The following IQGAP3 variants were observed in gnomAD, a reference collection of about 807,000 sequenced individuals.
The protein encoded by IQGAP3 is IQ motif containing GTPase activating protein 3.
In IQGAP3, 165 loss-of-function variants were observed where a neutral mutation model predicts 208.2. That is an observed-to-expected ratio of 0.79 (90% CI 0.70 to 0.90). The LOEUF (loss-of-function observed/expected upper bound fraction) is 0.90, where lower values mean the gene tolerates loss of function less well. Among genes scored for constraint, IQGAP3 ranks in the 40% least tolerant of loss-of-function variants. IQGAP3 has a pLI of 0.00. For synonymous variants in IQGAP3, 703 were observed against 803.6 expected, an observed-to-expected ratio of 0.87 and a Z score of 2.12; for missense variants, 1,811 against 2,043.1, an observed-to-expected ratio of 0.89 and a Z score of 2.19.
At chr1:156,553,027 T>C (rs545847038) in intron 13 of IQGAP3, among the ~76,000 whole-genome samples, 3 of 152,126 alleles carry the variant, frequency 2.0e-5, no homozygotes, top group Non-Finnish European at 4.4e-5. Context: ...TGAGCCATGA[T>C]TGCACCACTG....
chr1:156,566,401 G>A lies in IQGAP3; in HGVS notation c.271C>T (p.Leu91=). The change falls in exon 3 of 38, where the codon CTG becomes TTG. Residue 91 remains leucine (L), a synonymous_variant. Transcript: ENST00000361170. ...TCCAATCCTCCCACCTGGTACCGCA[G>A]CTGCTCCACATCGTAGATCTTCTTC... ...PLKKIYDVEQ[L]RYQATGLHFR... The A allele has an allele frequency of 6.2e-7, 1 of 1,614,162 alleles. No individual in the cohort carries two copies. The highest frequency in any genetic ancestry group is 2.2e-5 in the East Asian group (1 of 44,886).
At chr1:156,568,595 C>T (rs981828613) in intron 2 of IQGAP3, among the ~76,000 whole-genome samples, 1 of 152,214 alleles carries the variant, frequency 6.6e-6, no homozygotes, top group East Asian at 1.9e-4. Flanking sequence ...TCTTGGCTCA[C>T]TGTGGCCTCC....
rs770932490 is a variant in IQGAP3 at position 156,528,516 on chromosome 1, C to T, written c.4666G>A (p.Ala1556Thr). Residue 1556 changes from alanine (A) to threonine (T), a missense_variant, in exon 36 of 38, where the codon GCC becomes ACC. Coordinates refer to ENST00000361170, the MANE Select transcript of IQGAP3 (RefSeq NM_178229.5). ...GVLVEIEDLP[A>T]SHFRNVIFDI... is the part of the protein sequence containing the mutation. ...CCCTCCAAAGACACATACTGAGAGG[C>T]GGGAAGATCTTCAATTTCCACCAAG... The T allele has an allele frequency of 2.2e-5, 35 of 1,612,254 alleles. No individual in the cohort carries two copies. The highest frequency in any genetic ancestry group is 5.3e-5 in the African/African-American group (4 of 74,822).
intron 34 of IQGAP3, among the ~76,000 whole-genome samples, chr1:156,529,339 T>C (rs1221941741): frequency 6.6e-6 from 1 of 152,214 alleles, no homozygotes. Flanking sequence ...GATACTTTTG[T>C]AGGTCATAAG....
In IQGAP3 at chr1:156,562,442, T is replaced by C. The variant is rs545968929; in HGVS notation, c.877+145A>G. ...GCCAGAAAGCAGTGCACATACTCCT[T>C]GGACTCTGATCTTTCTCCGAGGCAA... On this transcript the variant is annotated intron_variant, in intron 9 of 37. Transcript: ENST00000361170. 8.6e-6 allele frequency: 6 copies of C among 694,632 alleles called. No homozygotes were observed. In the African/African-American group the frequency reaches 8.8e-5, roughly 10 times the overall value. 43.0% of individuals were successfully genotyped at this position (694,632 alleles called of 1,614,324 possible).
At chr1:156,535,375 CT>C in intron 27 of IQGAP3, 128 bp from the exon 28 acceptor site, 2 of 656,512 alleles carry the variant, frequency 3.0e-6, no homozygotes, top group South Asian at 3.7e-5. Flanking sequence ...AGCTCAAGCA[CT>C]GTCCCTCCAC....
At chr1:156,547,394 C>CACACACAT (rs201669706) in intron 19 of IQGAP3, among the ~76,000 whole-genome samples, 13 of 120,356 alleles carry the variant, frequency 1.1e-4, no homozygotes, top group Middle Eastern at 3.9e-3. Context: ...CACAGACACA[C>CACACACAT]ACACACACAC....
chr1:156,542,181 G>T (rs1675018347), intron 22 of IQGAP3, among the ~76,000 whole-genome samples: 2 of 152,108 alleles, frequency 1.3e-5, no homozygotes, highest in Admixed American at 1.3e-4. Context: ...TACAGTAGGG[G>T]AACAAATCTT....
At chr1:156,550,121 C>T in intron 16 of IQGAP3, 140 bp downstream of exon 16, 1 of 636,348 alleles carries the variant, frequency 1.6e-6, no homozygotes, top group Non-Finnish European at 2.8e-6. Flanking sequence ...AGCAGCCCTC[C>T]TGCTCTGACT....
chr1:156,529,928 A>AAAAAAAAAG (rs1553221888), intron 34 of IQGAP3, among the ~76,000 whole-genome samples, 177 bp downstream of exon 34: 3 of 150,150 alleles, frequency 2.0e-5, no homozygotes, highest in African/African-American at 7.5e-5. Flanking sequence ...AAAAAAAAAA[A>AAAAAAAAAG]AAAAAAGAAA....
At chr1:156,564,728 C>A in intron 4 of IQGAP3, 37 bp from the exon 5 acceptor site, 1 of 1,457,876 alleles carries the variant, frequency 6.9e-7, no homozygotes, top group Non-Finnish European at 9.6e-7. Context: ...CCATTGGGAA[C>A]CTTTAAGCAC....
chr1:156,566,463 T>A lies in IQGAP3; in HGVS notation c.209A>T (p.Lys70Met). The change falls in exon 3 of 38, where the codon AAG becomes ATG. Residue 70 changes from lysine (K) to methionine (M), a missense_variant. Lys to Met is a moderately conservative substitution (Grantham distance 95). Coordinates refer to ENST00000361170, the MANE Select transcript of IQGAP3 (RefSeq NM_178229.5). ...ESLRNGVLLA[K>M]LGHCFAPSVV... ...GGAGGGTGCAAAACAGTGGCCTAGC[T>A]TGGCCAGCAGCACTCCATTCCGAAG... 2 of 1,614,134 alleles carry A rather than the reference T, an allele frequency of 1.2e-6. No homozygotes were observed. The highest frequency in any genetic ancestry group is 2.2e-5 in the South Asian group (2 of 91,068).
chr1:156,563,336 G>T (rs1015719773), intron 7 of IQGAP3, 24 bp from the exon 8 acceptor site: 21 of 1,566,476 alleles, frequency 1.3e-5, no homozygotes, highest in Non-Finnish European at 1.8e-5. Flanking sequence ...TGGAAACAAG[G>T]TCAGGAGGCC....
At position 156,551,810 on chromosome 1, in the gene IQGAP3, A is replaced by T. The variant is rs1257184612; in HGVS notation, c.1629T>A (p.Thr543=). 3.7e-6 allele frequency: 6 copies of T among 1,613,870 alleles called. 1 individual carries two copies. The South Asian group carries it at 5.5e-5, about 15-fold the overall frequency. The change falls in exon 15 of 38, where the codon ACT becomes ACA. Residue 543 remains threonine, a synonymous_variant. Coordinates refer to ENST00000361170, the MANE Select transcript of IQGAP3 (RefSeq NM_178229.5). The stretch of plus-strand genomic sequence containing the variant: ...CTGCAGGAAGCAGTAGGGCAGACAG[A>T]GTCTTCTCAGGGCTGCCTTTGTCCA... The part of the protein sequence containing the change: ...EALDKGSPEK[T]LSALLLPAAG...
rs1265566419 is a variant in IQGAP3 at position 156,539,881 on chromosome 1, C to T, written c.2849G>A (p.Arg950Gln). The change falls in exon 24 of 38, where the codon CGG (arginine) becomes CAG (glutamine). Residue 950 changes from arginine to glutamine, a missense_variant. Coordinates refer to ENST00000361170, the MANE Select transcript of IQGAP3 (RefSeq NM_178229.5). Reference sequence around the variant, plus strand: ...GTGTTGGTATGCTTCTAGTTTCTGCCGTTTCTCTTTGCTCAGCGACTTTAA... The same window carrying T: ...GTGTTGGTATGCTTCTAGTTTCTGCTGTTTCTCTTTGCTCAGCGACTTTAA... ...KGLKSLSKEK[R>Q]QKLEAYQHLF... 2.0e-5 allele frequency: 32 copies of T among 1,614,026 alleles called. No individual in the cohort carries two copies. The highest frequency in any genetic ancestry group is 2.5e-5 in the Non-Finnish European group (30 of 1,180,042).
At chr1:156,569,653 G>C (rs1485554545) in intron 1 of IQGAP3, among the ~76,000 whole-genome samples, 190 bp from the exon 2 acceptor site, 1 of 150,402 alleles carries the variant, frequency 6.6e-6, no homozygotes, top group Non-Finnish European at 1.5e-5. Flanking sequence ...CGAGTAGCTG[G>C]GACTACAGGC....
At chr1:156,549,311 T>C (rs888251321) in intron 16 of IQGAP3, among the ~76,000 whole-genome samples, 2 of 151,778 alleles carry the variant, frequency 1.3e-5, no homozygotes, top group Non-Finnish European at 2.9e-5. Context: ...TGCCTACTAA[T>C]AATACAAAAA....
chr1:156,553,923 T>C (rs1053748388), intron 13 of IQGAP3, among the ~76,000 whole-genome samples: 3 of 152,230 alleles, frequency 2.0e-5, no homozygotes, highest in African/African-American at 7.2e-5. Context: ...TTTACTAGCA[T>C]GTAAGTTTGA....
chr1:156,531,126 G>A (rs1360140194), intron 33 of IQGAP3, 34 bp downstream of exon 33: 2 of 1,475,486 alleles, frequency 1.4e-6, no homozygotes, highest in Non-Finnish European at 1.9e-6. Context: ...GGGGATGAAT[G>A]AGACAGAACC....
Sources: allele counts gnomAD v4.1 joint callset (sites outside exome capture counted in the v4.1 genomes callset), GRCh38; gene constraint gnomAD v4.1.1; transcripts MANE v1.5; gene names NCBI Gene and HGNC (gene_info 2026-07-23, HGNC 2026-07-21).